PPP1R16B: variants seen among roughly 807,000 people sequenced by gnomAD.
The protein encoded by PPP1R16B is protein phosphatase 1 regulatory inhibitor subunit 16B.
Under a neutral mutation model 61.7 loss-of-function variants are expected in PPP1R16B, and 14 were observed. The observed-to-expected ratio is 0.23, with a 90% confidence interval of 0.15 to 0.35. The LOEUF is 0.35. PPP1R16B is among the 10% of genes least tolerant of loss of function. The probability of loss-of-function intolerance (pLI) is 1.00; values close to 1 mark genes in which losing one functional copy is unlikely to be tolerated. For synonymous variants in PPP1R16B, 266 were observed against 305.3 expected (o/e 0.87, Z 1.34); for missense variants, 547 against 752.5 (o/e 0.73, Z 3.19).
At chr20:38,819,324 A>G (rs1438899653) in intron 1 of PPP1R16B, among the ~76,000 whole-genome samples, 2 of 152,080 alleles carry the variant, frequency 1.3e-5, no homozygotes, top group Non-Finnish European at 2.9e-5. Flanking sequence ...GAATGCAGTG[A>G]GTGTTCAGTA....
At chr20:38,884,205 G>A (rs949077295) in intron 2 of PPP1R16B, among the ~76,000 whole-genome samples, 1 of 152,252 alleles carries the variant, frequency 6.6e-6, no homozygotes, top group African/African-American at 2.4e-5. Flanking sequence ...TAGGGAGACA[G>A]GACCCCTGGC....
At chr20:38,883,969 G>A (rs1055627103) in intron 2 of PPP1R16B, among the ~76,000 whole-genome samples, 7 of 152,192 alleles carry the variant, frequency 4.6e-5, no homozygotes, top group African/African-American at 1.7e-4. Flanking sequence ...GAATAAATGG[G>A]TCACTCTGAC....
intron 6 of PPP1R16B, among the ~76,000 whole-genome samples, chr20:38,904,356 G>A (rs1321589553): frequency 2.6e-5 from 4 of 152,358 alleles, no homozygotes; most frequent in Admixed American, 2.6e-4. Flanking sequence ...TAGGTCTCAG[G>A]TCTTCCCAGT....
At chr20:38,903,617 C>T (rs1012943491) in intron 6 of PPP1R16B, among the ~76,000 whole-genome samples, 1 of 151,620 alleles carries the variant, frequency 6.6e-6, no homozygotes, top group Non-Finnish European at 1.5e-5. Context: ...ATCCATCCAT[C>T]ATTCCATCCA....
intron 1 of PPP1R16B, among the ~76,000 whole-genome samples, chr20:38,811,270 T>G (rs1403314527): frequency 1.3e-5 from 2 of 152,096 alleles, no homozygotes; most frequent in Non-Finnish European, 2.9e-5. Flanking sequence ...TCAGAGGACA[T>G]CCAAACACAG....
At chr20:38,854,668 C>T (rs944099437) in intron 2 of PPP1R16B, among the ~76,000 whole-genome samples, 2 of 152,164 alleles carry the variant, frequency 1.3e-5, no homozygotes, top group Non-Finnish European at 2.9e-5. Context: ...GTAACTTAAC[C>T]TCTTTTGGAC....
At chr20:38,916,208 G>A (rs181869436) in intron 10 of PPP1R16B, among the ~76,000 whole-genome samples, 2 of 150,850 alleles carry the variant, frequency 1.3e-5, no homozygotes, top group Admixed American at 6.6e-5. Flanking sequence ...TCTAAAAGGA[G>A]AAAGCGAAGA....
chr20:38,830,029 CT>C (rs1289198010), intron 1 of PPP1R16B, among the ~76,000 whole-genome samples: 1 of 152,228 alleles, frequency 6.6e-6, no homozygotes, highest in Non-Finnish European at 1.5e-5. Flanking sequence ...GGCAACTGCC[CT>C]TAATTCCTTT....
intron 1 of PPP1R16B, among the ~76,000 whole-genome samples, chr20:38,809,185 C>T (rs1354343198): frequency 6.6e-6 from 1 of 151,630 alleles, no homozygotes; most frequent in East Asian, 1.9e-4. Flanking sequence ...GGAGTGAGTG[C>T]GACCCTGTCT....
intron 2 of PPP1R16B, among the ~76,000 whole-genome samples, chr20:38,838,875 T>G (rs1288905418): frequency 6.6e-6 from 1 of 152,226 alleles, no homozygotes; most frequent in African/African-American, 2.4e-5. Flanking sequence ...CCCGCAGCCC[T>G]GCCTGTGACT....
chr20:38,859,271 G>A (rs925583111), intron 2 of PPP1R16B, among the ~76,000 whole-genome samples: 2 of 152,012 alleles, frequency 1.3e-5, no homozygotes, highest in African/African-American at 4.8e-5. Flanking sequence ...GGGGAACGGG[G>A]AGTGACTGCT....
intron 2 of PPP1R16B, among the ~76,000 whole-genome samples, chr20:38,875,424 T>A (rs535470818): frequency 6.6e-6 from 1 of 152,222 alleles, no homozygotes; most frequent in Non-Finnish European, 1.5e-5. Context: ...GATGGGTATC[T>A]GGAAGTCACA....
intron 5 of PPP1R16B, 80 bp from the exon 6 acceptor site, chr20:38,902,588 G>A (rs2085403652): frequency 1.3e-6 from 2 of 1,573,450 alleles, no homozygotes; most frequent in East Asian, 2.2e-5. Flanking sequence ...CAAGAGCCAT[G>A]CCTCCCTCAT....
intron 6 of PPP1R16B, among the ~76,000 whole-genome samples, chr20:38,904,542 G>C (rs2085424015): frequency 6.6e-6 from 1 of 152,212 alleles, no homozygotes; most frequent in African/African-American, 2.4e-5. Flanking sequence ...AAGTAGTGAG[G>C]TTTGTAATGT....
chr20:38,915,172 A>G (rs2085523248), intron 10 of PPP1R16B, among the ~76,000 whole-genome samples: 1 of 152,152 alleles, frequency 6.6e-6, no homozygotes, highest in Non-Finnish European at 1.5e-5. Flanking sequence ...TAAAGCCCAT[A>G]GTTTACATCG....
intron 2 of PPP1R16B, among the ~76,000 whole-genome samples, chr20:38,860,882 G>T (rs1568665067): frequency 6.6e-6 from 1 of 152,118 alleles, no homozygotes; most frequent in Non-Finnish European, 1.5e-5. Context: ...GGCTTCCAGG[G>T]TCTTCCATGC....
Position 38,868,760 on chromosome 20 carries a change from A to C in PPP1R16B, c.251-20835A>C, listed in dbSNP as rs190128277. Among the ~76,000 whole-genome samples the C allele has an allele frequency of 4.3e-3, 660 of 152,288 alleles. 2 individuals carry two copies. Among genetic ancestry groups the C allele is most frequent in the Non-Finnish European group, 7.1e-3 (480 of 68,020 alleles). On this transcript the variant is annotated intron_variant, in intron 2 of 10. Transcript: ENST00000299824. ...TTTATATGCATTCATTTGTGTATGG[A>C]TGTGTGTGTTTGGCTCTGTGAAATC...
intron 3 of PPP1R16B, among the ~76,000 whole-genome samples, chr20:38,894,650 G>T (rs1365550908): frequency 6.6e-6 from 1 of 152,204 alleles, no homozygotes; most frequent in Non-Finnish European, 1.5e-5. Context: ...TGTGTCCCCT[G>T]CTGGCTTTCG....
chr20:38,815,263 C>G (rs748068411), intron 1 of PPP1R16B, among the ~76,000 whole-genome samples: 1 of 152,084 alleles, frequency 6.6e-6, no homozygotes, highest in Non-Finnish European at 1.5e-5. Flanking sequence ...ATCCATTTTT[C>G]TTTTTAACAC....
Sources: gnomAD v4.1 joint callset for allele counts (sites outside exome capture counted in the v4.1 genomes callset) on GRCh38, gnomAD v4.1.1 for gene constraint, MANE v1.5 for transcripts, NCBI Gene and HGNC (gene_info 2026-07-23, HGNC 2026-07-21) for gene names.